CTXN2: variants seen among roughly 807,000 people sequenced by gnomAD.
CTXN2 encodes cortexin-2.
CTXN2 carries 3 observed loss-of-function variants against 5.7 expected under a neutral mutation model. The observed-to-expected ratio is 0.53, with a 90% confidence interval of 0.24 to 1.36. The LOEUF (loss-of-function observed/expected upper bound fraction) is 1.36. Among genes scored for constraint, CTXN2 ranks in the 40% most tolerant of loss-of-function variants. The pLI is 0.17. For missense variants in CTXN2, 87 were observed against 93.0 expected, an observed-to-expected ratio of 0.94 and a Z score of 0.26; for synonymous variants, 38 against 36.4, an observed-to-expected ratio of 1.04 and a Z score of -0.16.
At chr15:48,185,759 C>T (rs1188862185) in intron 1 of CTXN2, among the ~76,000 whole-genome samples, 4 of 152,062 alleles carry the variant, frequency 2.6e-5, no homozygotes, top group East Asian at 1.9e-4. Context: ...CAAGACAGAT[C>T]GTATGGTGAA....
chr15:48,193,497 T>C (rs1006788248), intron 1 of CTXN2, among the ~76,000 whole-genome samples: 3 of 152,152 alleles, frequency 2.0e-5, no homozygotes, highest in Non-Finnish European at 4.4e-5. Context: ...ATGGATTTTT[T>C]AATATATGGT....
At chr15:48,191,889 C>T (rs1050763995) in intron 1 of CTXN2, 36 bp downstream of exon 1, 1 of 452,426 alleles carries the variant, frequency 2.2e-6, no homozygotes, top group Non-Finnish European at 4.4e-6. Flanking sequence ...ACTTTCTCCC[C>T]CTTCCCTCCG....
chr15:48,194,976 G>T (rs1306555624), intron 1 of CTXN2, among the ~76,000 whole-genome samples: 1 of 152,004 alleles, frequency 6.6e-6, no homozygotes, highest in Non-Finnish European at 1.5e-5. Flanking sequence ...AACGTTATTT[G>T]ACAACAATAC....
At chr15:48,198,521 C>A (rs901608504) in intron 1 of CTXN2, among the ~76,000 whole-genome samples, 3 of 152,054 alleles carry the variant, frequency 2.0e-5, no homozygotes, top group Non-Finnish European at 2.9e-5. Context: ...ATCTAAGGCT[C>A]TAGGAACAAA....
upstream of CTXN2, chr15:48,191,035 C>T (rs2040814506): frequency 6.6e-6 from 1 of 152,382 alleles, no homozygotes. Flanking sequence ...CATTTCAGCA[C>T]TACGGACAGC....
At chr15:48,184,401 CAT>C (rs1567288937) in intron 1 of CTXN2, among the ~76,000 whole-genome samples, 4 of 152,072 alleles carry the variant, frequency 2.6e-5, no homozygotes, top group Non-Finnish European at 2.9e-5. Flanking sequence ...TCTACAAAAT[CAT>C]ACATTAAAAA....
At chr15:48,183,302 A>C (rs1321214600) in intron 1 of CTXN2, among the ~76,000 whole-genome samples, 1 of 152,236 alleles carries the variant, frequency 6.6e-6, no homozygotes, top group Non-Finnish European at 1.5e-5. Context: ...TAAATTATAG[A>C]TAGAAAACAA....
chr15:48,181,702 C>T (rs2140967264), intron 1 of CTXN2, among the ~76,000 whole-genome samples: 1 of 152,130 alleles, frequency 6.6e-6, no homozygotes, highest in African/African-American at 2.4e-5. Flanking sequence ...TGCTGATATT[C>T]TAGCCCTAGA....
At chr15:48,197,976 G>T (rs918408660) in intron 1 of CTXN2, among the ~76,000 whole-genome samples, 2 of 152,090 alleles carry the variant, frequency 1.3e-5, no homozygotes, top group Non-Finnish European at 2.9e-5. Flanking sequence ...AATTATACCA[G>T]AAATCTTAAG....
intron 1 of CTXN2, among the ~76,000 whole-genome samples, chr15:48,199,564 T>C (rs2040911248): frequency 6.6e-6 from 1 of 152,196 alleles, no homozygotes; most frequent in African/African-American, 2.4e-5. Context: ...TTCCATTAAA[T>C]AAATGATCCA....
At position 48,202,359 on chromosome 15, in the gene CTXN2, T is replaced by C. The variant is rs1223027067; in HGVS notation, c.*813T>C. 8.4e-5 allele frequency: 14 copies of C among 166,888 alleles called. No individual in the cohort carries two copies. Among genetic ancestry groups the C allele is most frequent in the Non-Finnish European group, 2.1e-4 (14 of 68,094 alleles). The allele number at this position is 166,888 out of a possible 1,614,324, so 10.3% of individuals were successfully genotyped here. On this transcript the variant is annotated 3_prime_UTR_variant, in exon 2 of 2. Transcript: ENST00000417307. The stretch of plus-strand genomic sequence containing the variant: ...AATCTCTGTGAGCTTCAGTGAAGAG[T>C]AGTGTTAACATCCTTTTCAATTCTA...
intron 1 of CTXN2, among the ~76,000 whole-genome samples, chr15:48,178,797 T>C (rs562458790): frequency 4.9e-4 from 74 of 152,272 alleles, no homozygotes; most frequent in African/African-American, 1.8e-3. Flanking sequence ...TAAATAGTTA[T>C]TGATGACTGA....
In CTXN2 at chr15:48,202,033, AT is replaced by A. The variant is rs1368074242; in HGVS notation, c.*488del. Reference sequence around the variant, plus strand: ...GCCCAAAAGGTTCACAGGTGAAAAAATATCTCAAAAATCTAACACCCAAAGC... The same window carrying A: ...GCCCAAAAGGTTCACAGGTGAAAAAAATCTCAAAAATCTAACACCCAAAGC... On this transcript the variant is annotated 3_prime_UTR_variant, in exon 2 of 2. Transcript: ENST00000417307. The A allele has an allele frequency of 5.8e-6, 1 of 172,268 alleles. No individual in the cohort carries two copies. Among genetic ancestry groups the A allele is most frequent in the African/African-American group, 2.4e-5 (1 of 41,458 alleles). 10.7% of individuals were successfully genotyped at this position (172,268 alleles called of 1,614,324 possible).
intron 1 of CTXN2, among the ~76,000 whole-genome samples, chr15:48,185,017 G>T (rs2040734796): frequency 6.6e-6 from 1 of 152,192 alleles, no homozygotes; most frequent in South Asian, 2.1e-4. Context: ...ATGCTTACAT[G>T]CGTGTTGTTA....
chr15:48,197,041 C>G (rs2040886579), intron 1 of CTXN2, among the ~76,000 whole-genome samples: 3 of 150,342 alleles, frequency 2.0e-5, no homozygotes, highest in Non-Finnish European at 4.4e-5. Flanking sequence ...TTTCTAAAGC[C>G]CATTCTATAT....
chr15:48,188,142 G>A (rs1360346779), upstream of CTXN2, among the ~76,000 whole-genome samples: 1 of 151,626 alleles, frequency 6.6e-6, no homozygotes, highest in African/African-American at 2.4e-5. Context: ...ACATTTACAT[G>A]AGGTCACACA....
In CTXN2 at chr15:48,202,826, T is replaced by G. The variant is rs1489695453; in HGVS notation, c.*1280T>G. The stretch of plus-strand genomic sequence containing the variant: ...ATAAAAAGATAAAATTATATAGTTC[T>G]AAATTCTTTCCAACTACAAACTTCT... On this transcript the variant is annotated 3_prime_UTR_variant, in exon 2 of 2. Transcript: ENST00000417307. The G allele has an allele frequency of 6.0e-6, 1 of 165,886 alleles. No individual in the cohort carries two copies. The highest frequency in any genetic ancestry group is 1.5e-5 in the Non-Finnish European group (1 of 68,116). 10.3% of individuals were successfully genotyped at this position (165,886 alleles called of 1,614,324 possible).
At chr15:48,196,930 TA>T (rs1448121104) in intron 1 of CTXN2, among the ~76,000 whole-genome samples, 1 of 151,980 alleles carries the variant, frequency 6.6e-6, no homozygotes, top group African/African-American at 2.4e-5. Context: ...CTCCAAGTTA[TA>T]AATTGTCTGA....
At chr15:48,193,219 G>A (rs927576146) in intron 1 of CTXN2, among the ~76,000 whole-genome samples, 2 of 152,084 alleles carry the variant, frequency 1.3e-5, no homozygotes, top group African/African-American at 4.8e-5. Flanking sequence ...TGAAGGAAAT[G>A]TACTTTCAAC....
Sources: allele counts gnomAD v4.1 joint callset (sites outside exome capture counted in the v4.1 genomes callset), GRCh38; gene constraint gnomAD v4.1.1; transcripts MANE v1.5; gene names NCBI Gene and HGNC (gene_info 2026-07-23, HGNC 2026-07-21).